SLC38A8: variants seen among roughly 807,000 people sequenced by gnomAD.
The protein encoded by SLC38A8 is solute carrier family 38 member 8, also known as amino acid transporter SLC38A8.
Under a neutral mutation model 46.0 loss-of-function variants are expected in SLC38A8, and 65 were observed. The ratio of observed to expected loss-of-function variants is 1.41; its 90% confidence interval spans 1.16 to 1.74. The LOEUF is 1.74. Among genes scored for constraint, SLC38A8 ranks in the 40% most tolerant of loss-of-function variants. The probability of loss-of-function intolerance (pLI) is 0.00; values close to 1 mark genes in which losing one functional copy is unlikely to be tolerated. For synonymous variants in SLC38A8, 447 were observed against 243.7 expected (o/e 1.83, Z -7.77); for missense variants, 998 against 567.9 (o/e 1.76, Z -7.70).
At chr16:84,016,992 C>T (rs1485631412) in intron 8 of SLC38A8, 148 bp downstream of exon 8, 2 of 1,221,776 alleles carry the variant, frequency 1.6e-6, no homozygotes, top group African/African-American at 3.1e-5. Context: ...GGGCAATCTA[C>T]CTAAATCCTC....
intron 10 of SLC38A8, among the ~76,000 whole-genome samples, chr16:84,010,978 G>C (rs991400507): frequency 6.6e-6 from 1 of 152,142 alleles, no homozygotes; most frequent in Non-Finnish European, 1.5e-5. Flanking sequence ...CCAGAGATGG[G>C]GTAGACAAGG....
At chr16:84,023,154 T>A (rs968827175) in intron 6 of SLC38A8, among the ~76,000 whole-genome samples, 10 of 152,052 alleles carry the variant, frequency 6.6e-5, no homozygotes, top group African/African-American at 2.4e-4. Flanking sequence ...CCTTATTTTT[T>A]AAAAAACTAG....
At chr16:84,023,930 G>A (rs533782355) in intron 6 of SLC38A8, among the ~76,000 whole-genome samples, 24 of 152,304 alleles carry the variant, frequency 1.6e-4, no homozygotes, top group African/African-American at 4.1e-4. Flanking sequence ...GAATGTTTCC[G>A]TTAATGGATG....
At position 84,022,847 on chromosome 16, in the gene SLC38A8, G is replaced by A. The variant is rs767383422; in HGVS notation, c.733C>T (p.Arg245Trp). The change falls in exon 7 of 11, where the codon CGG becomes TGG. Residue 245 changes from arginine to tryptophan, a missense_variant. Coordinates refer to ENST00000299709, the MANE Select transcript of SLC38A8 (RefSeq NM_001080442.3). ...AVSIYCSMRK[R>W]SLSHWALVSV... ...ACCAGGGCCCAGTGGGAGAGGCTCC[G>A]TTTGCGCATGCTGCAGTAGATGGAG... The A allele has an allele frequency of 1.6e-5, 25 of 1,611,552 alleles. No homozygotes were observed. Among genetic ancestry groups the A allele is most frequent in the East Asian group, 2.2e-5 (1 of 44,680 alleles).
chr16:84,034,219 G>C (rs1019900739), intron 3 of SLC38A8, among the ~76,000 whole-genome samples: 1 of 152,228 alleles, frequency 6.6e-6, no homozygotes, highest in African/African-American at 2.4e-5. Context: ...TGAGGCAGAA[G>C]CTGCCTGTCC....
intron 2 of SLC38A8, 137 bp downstream of exon 2, chr16:84,041,832 G>T (rs754996363): frequency 2.6e-6 from 2 of 776,708 alleles, no homozygotes; most frequent in East Asian, 2.6e-5. Flanking sequence ...CTCATTAGCT[G>T]AGCGGGATAG....
chr16:84,031,537 C>G (rs970041818), intron 5 of SLC38A8, among the ~76,000 whole-genome samples: 1 of 151,474 alleles, frequency 6.6e-6, no homozygotes. Context: ...TCCCCTGCCC[C>G]GGTACATGCA....
chr16:84,031,955 G>T lies in SLC38A8; in HGVS notation c.544C>A (p.Leu182Met). 2 of 1,614,210 alleles carry T rather than the reference G, an allele frequency of 1.2e-6. No individual in the cohort carries two copies. Residue 182 changes from leucine to methionine, a missense_variant, in exon 5 of 11, where the codon CTG becomes ATG. By Grantham distance (15) the Leu-to-Met change is conservative. Transcript: ENST00000299709. ...ACCAGGGCCAGGTAACAGGCAGCCA[G>T]AGTGCCTAGGATGCTAACACAGTGA... ...FQKYTSILGT[L>M]AACYLALVIT...
rs78297089 is a variant in SLC38A8 at position 84,028,522 on chromosome 16, A to G, written c.690+972T>C. On this transcript the variant is annotated intron_variant, in intron 6 of 10. Coordinates refer to ENST00000299709, the MANE Select transcript of SLC38A8 (RefSeq NM_001080442.3). ...GGTGCAGTGCAGTGAGCTGAGATCC[A>G]CTACACTCCAGCCTGGGCAATAAGA... is the stretch of plus-strand genomic sequence containing the variant. Among the ~76,000 whole-genome samples, 619 of 151,348 alleles carry G rather than the reference A, an allele frequency of 4.1e-3. 3 individuals are homozygous for G. The highest frequency in any genetic ancestry group is 0.014 in the African/African-American group (591 of 41,150).
rs143797848 is a variant in SLC38A8, at chr16:84,016,607, C to T, written c.1074G>A (p.Thr358=). Residue 358 remains threonine (T), a synonymous_variant, in exon 9 of 11, where the codon ACG becomes ACA. Transcript: ENST00000299709. ...MPLTILWVTV[T]LAMALFMPDL... is the part of the protein sequence containing the mutation. ...CAGGCATAAACAGCGCCATGGCGAG[C>T]GTCACGGTGACCCACAGGATGGTCA... 3.6e-3 allele frequency: 5,803 copies of T among 1,613,952 alleles called. 12 individuals are homozygous for T. Among genetic ancestry groups the T allele is most frequent in the Non-Finnish European group, 4.4e-3 (5,199 of 1,180,032 alleles).
chr16:84,042,480 C>T (rs532190257), intron 1 of SLC38A8, 71 bp downstream of exon 1: 1 of 237,564 alleles, frequency 4.2e-6, no homozygotes, highest in African/African-American at 2.2e-5. Context: ...CTCTCTCCCC[C>T]CATTCCCATC....
chr16:84,039,684 G>A (rs111799808), intron 2 of SLC38A8, among the ~76,000 whole-genome samples: 3 of 150,246 alleles, frequency 2.0e-5, no homozygotes, highest in South Asian at 2.1e-4. Flanking sequence ...GGAGGCGGAG[G>A]TTGCAGTGAG....
At chr16:84,034,361 GA>G (rs2085278691) in intron 3 of SLC38A8, among the ~76,000 whole-genome samples, 1 of 152,258 alleles carries the variant, frequency 6.6e-6, no homozygotes, top group African/African-American at 2.4e-5. Flanking sequence ...GAACACCAAA[GA>G]ATGTGGGGCC....
chr16:84,032,764 G>A (rs1389452032), intron 4 of SLC38A8, among the ~76,000 whole-genome samples: 4 of 152,202 alleles, frequency 2.6e-5, no homozygotes, highest in South Asian at 4.1e-4. Flanking sequence ...AGGCAGCAGA[G>A]GGAGATGGAT....
chr16:84,036,822 C>G lies in SLC38A8; in HGVS notation c.268G>C (p.Gly90Arg). Reference protein sequence around the residue: ...AAVSGQATYQGVVRGLCGPAI... With the variant: ...AAVSGQATYQRVVRGLCGPAI... The stretch of plus-strand genomic sequence containing the variant: ...GGGCCACACAGCCCCCTGACCACAC[C>G]CTGGTAGGTGGCCTGGCCACTGACA... The change falls in exon 3 of 11, where the codon GGT becomes CGT. Residue 90 changes from glycine to arginine, a missense_variant. Gly to Arg is a moderately radical substitution (Grantham distance 125, BLOSUM62 -2). Transcript: ENST00000299709. 1.2e-6 allele frequency: 2 copies of G among 1,614,050 alleles called. No homozygotes were observed. The highest frequency in any genetic ancestry group is 8.5e-7 in the Non-Finnish European group (1 of 1,180,008).
intron 3 of SLC38A8, among the ~76,000 whole-genome samples, chr16:84,034,099 C>G (rs79771696): frequency 0.031 from 4,697 of 152,324 alleles, 241 homozygotes; most frequent in African/African-American, 0.11. Flanking sequence ...ACAACACCTA[C>G]TGCCTGATGG....
intron 6 of SLC38A8, among the ~76,000 whole-genome samples, chr16:84,028,678 C>G (rs1240980640): frequency 6.6e-6 from 1 of 151,510 alleles, no homozygotes; most frequent in Admixed American, 6.6e-5. Context: ...CCAGGCCCGC[C>G]ACCTCCCCTG....
intron 2 of SLC38A8, among the ~76,000 whole-genome samples, chr16:84,038,941 G>C (rs57696283): frequency 0.032 from 4,913 of 152,290 alleles, 277 homozygotes; most frequent in African/African-American, 0.11. Context: ...GCCTGTGAAC[G>C]TGACTTACTG....
At chr16:84,033,114 G>A (rs1324129561) in intron 4 of SLC38A8, among the ~76,000 whole-genome samples, 1 of 152,188 alleles carries the variant, frequency 6.6e-6, no homozygotes, top group African/African-American at 2.4e-5. Context: ...AATAAACTGA[G>A]TAGCACTGAC....
Sources: allele counts gnomAD v4.1 joint callset (sites outside exome capture counted in the v4.1 genomes callset), GRCh38; gene constraint gnomAD v4.1.1; transcripts MANE v1.5; gene names NCBI Gene and HGNC (gene_info 2026-07-23, HGNC 2026-07-21).